NOCT: variants seen among roughly 807,000 people sequenced by gnomAD.
NOCT encodes nocturnin.
A neutral mutation model predicts 35.0 loss-of-function variants in NOCT; 18 were observed. That is an observed-to-expected ratio of 0.51 (90% confidence interval 0.36 to 0.76). NOCT has a LOEUF of 0.76. Ranked by LOEUF, NOCT falls within the 30% of genes least tolerant of loss-of-function variation. NOCT has a pLI of 0.01. For missense variants in NOCT, 479 were observed against 541.0 expected, an observed-to-expected ratio of 0.89 and a Z score of 1.14; for synonymous variants, 235 against 226.3, an observed-to-expected ratio of 1.04 and a Z score of -0.34.
chr4:139,022,006 G>A (rs11939594), intron 1 of NOCT, among the ~76,000 whole-genome samples: 2 of 152,206 alleles, frequency 1.3e-5, no homozygotes, highest in East Asian at 1.9e-4. Context: ...TGATACACCC[G>A]CCTTGGCCTC....
intron 1 of NOCT, chr4:139,028,142 T>C (rs1726558119): frequency 6.6e-6 from 1 of 152,252 alleles, no homozygotes; most frequent in African/African-American, 2.4e-5. Flanking sequence ...TTTCAGAGGA[T>C]TGTGCTAGAA....
Position 139,044,955 on chromosome 4 carries a change from A to G in NOCT, c.777A>G (p.Thr259=), listed in dbSNP as rs1162431218. ...CCAATATTAGGCTGACAGCCATGAC[A>G]TTGAAAACCAACCAGGTGGCCATTG... ...NSANIRLTAM[T]LKTNQVAIAQ... Residue 259 remains threonine (T), a synonymous_variant, in exon 3 of 3, where the codon ACA becomes ACG. Transcript: ENST00000280614. The G allele has an allele frequency of 6.2e-7, 1 of 1,614,216 alleles. No homozygotes were observed. Among genetic ancestry groups the G allele is most frequent in the Non-Finnish European group, 8.5e-7 (1 of 1,180,032 alleles).
At chr4:139,042,382 C>G (rs1169809993) in intron 1 of NOCT, among the ~76,000 whole-genome samples, 3 of 151,978 alleles carry the variant, frequency 2.0e-5, no homozygotes, top group East Asian at 1.9e-4. Flanking sequence ...TCTTGAGGTT[C>G]TTAAGATATA....
chr4:139,044,992 G>A lies in NOCT; in HGVS notation c.814G>A (p.Glu272Lys). ...CCAGGTGGCCATTGCACAGACCCTG[G>A]AGTGCAAGGAGTCAGGCCGACAGTT... ...TNQVAIAQTLECKESGRQFCI... is the reference protein window; with the variant it reads ...TNQVAIAQTLKCKESGRQFCI... The change falls in exon 3 of 3, where the codon GAG becomes AAG. Residue 272 changes from glutamate to lysine, a missense_variant. By Grantham distance (56) the Glu-to-Lys change is moderately conservative. Coordinates refer to ENST00000280614, the MANE Select transcript of NOCT (RefSeq NM_012118.4). 5 of 1,614,208 alleles carry A rather than the reference G, an allele frequency of 3.1e-6. No homozygotes were observed. Among genetic ancestry groups the A allele is most frequent in the Non-Finnish European group, 4.2e-6 (5 of 1,180,014 alleles).
chr4:139,022,614 T>A (rs951005517), intron 1 of NOCT, among the ~76,000 whole-genome samples: 1 of 152,200 alleles, frequency 6.6e-6, no homozygotes, highest in African/African-American at 2.4e-5. Flanking sequence ...TACTAAATGC[T>A]TAGAAGCCTA....
chr4:139,023,952 A>G (rs1193836047), intron 1 of NOCT, among the ~76,000 whole-genome samples: 2 of 150,790 alleles, frequency 1.3e-5, no homozygotes, highest in Non-Finnish European at 2.9e-5. Context: ...AAAAGTTTGT[A>G]TCGGTTGTCT....
Position 139,015,915 on chromosome 4 carries a change from G to C in NOCT, c.-67G>C. The C allele has an allele frequency of 8.2e-7, 1 of 1,221,100 alleles. No individual in the cohort carries two copies. Among genetic ancestry groups the C allele is most frequent in the Non-Finnish European group, 1.0e-6 (1 of 960,662 alleles). The allele number at this position is 1,221,100 out of a possible 1,614,324, so 75.6% of individuals were successfully genotyped here. A position where few individuals can be genotyped will look rare whatever the true frequency, so the allele number is the denominator to read the frequency against. ...GCCCGGACAGTCGGCTCGACTCGGT[G>C]CCCTCGGCCCCAGCCGGGCTCCGCT... is the stretch of plus-strand genomic sequence containing the variant. On this transcript the variant is annotated 5_prime_UTR_variant, in exon 1 of 3. Transcript: ENST00000280614.
intron 1 of NOCT, among the ~76,000 whole-genome samples, chr4:139,026,862 C>CTTTT (rs1165378672): frequency 8.3e-6 from 1 of 120,332 alleles, no homozygotes; most frequent in African/African-American, 3.5e-5. Flanking sequence ...TTTTTTTTTT[C>CTTTT]TTTTTTTTTT....
At chr4:139,037,120 A>T (rs548283988) in intron 1 of NOCT, among the ~76,000 whole-genome samples, 1 of 152,340 alleles carries the variant, frequency 6.6e-6, no homozygotes, top group African/African-American at 2.4e-5. Flanking sequence ...TCAGTGTTGC[A>T]CCAGTCCACC....
At chr4:139,039,779 G>C (rs1333329571) in intron 1 of NOCT, among the ~76,000 whole-genome samples, 3 of 152,166 alleles carry the variant, frequency 2.0e-5, no homozygotes, top group Non-Finnish European at 4.4e-5. Context: ...CCAGGCTGGA[G>C]TGGAATGGCG....
At chr4:139,029,609 ATTTTTATTTTT>A (rs1466658697) in intron 1 of NOCT, among the ~76,000 whole-genome samples, 2 of 152,144 alleles carry the variant, frequency 1.3e-5, no homozygotes, top group African/African-American at 2.4e-5. Flanking sequence ...CACTTAGTTT[ATTTTTATTTTT>A]ATTTTAAATT....
chr4:139,019,588 G>T (rs1334840353), intron 1 of NOCT, among the ~76,000 whole-genome samples: 1 of 152,228 alleles, frequency 6.6e-6, no homozygotes, highest in African/African-American at 2.4e-5. Context: ...GGAGTAGTGA[G>T]TCCCGACAGC....
At chr4:139,044,553 AG>A in intron 2 of NOCT, 85 bp from the exon 3 acceptor site, 1 of 765,654 alleles carries the variant, frequency 1.3e-6, no homozygotes, top group Non-Finnish European at 2.2e-6. Context: ...AAGCATTCTG[AG>A]GGTCTTGAGT....
chr4:139,024,165 A>G (rs1726473610), intron 1 of NOCT, among the ~76,000 whole-genome samples: 1 of 148,944 alleles, frequency 6.7e-6, no homozygotes, highest in Non-Finnish European at 1.5e-5. Context: ...GGCTGAAGTG[A>G]TCCTCCCACT....
chr4:139,023,004 G>C (rs989308349), intron 1 of NOCT, among the ~76,000 whole-genome samples: 4 of 152,040 alleles, frequency 2.6e-5, no homozygotes, highest in Admixed American at 6.6e-5. Flanking sequence ...GGGAGGCTGA[G>C]GCAGGAGAAT....
chr4:139,032,081 T>C (rs1177036869), intron 1 of NOCT, among the ~76,000 whole-genome samples: 3 of 152,222 alleles, frequency 2.0e-5, no homozygotes, highest in African/African-American at 7.2e-5. Context: ...CTACTGTGTT[T>C]CAGAAATCTA....
At chr4:139,026,402 A>G (rs1394950989) in intron 1 of NOCT, among the ~76,000 whole-genome samples, 1 of 151,356 alleles carries the variant, frequency 6.6e-6, no homozygotes, top group African/African-American at 2.4e-5. Flanking sequence ...CCCCTGGCCA[A>G]TTCTTTTAGG....
At chr4:139,017,550 G>T (rs893326036) in intron 1 of NOCT, among the ~76,000 whole-genome samples, 2 of 146,992 alleles carry the variant, frequency 1.4e-5, no homozygotes, top group Admixed American at 1.3e-4. Flanking sequence ...AAAAAAATAG[G>T]CCGGGCGCGG....
chr4:139,043,179 C>T lies in NOCT; in HGVS notation c.296C>T (p.Pro99Leu), dbSNP rs779424150. The T allele has an allele frequency of 1.2e-5, 19 of 1,614,138 alleles. No homozygotes were observed. The South Asian group carries it at 2.0e-4, about 17-fold the overall frequency. Residue 99 changes from proline to leucine, a missense_variant, in exon 2 of 3, where the codon CCA becomes CTA. This residue lies in a region of NOCT where 265 missense variants were observed against 257.0 expected (regional missense o/e 1.03). Transcript: ENST00000280614. ...CCAGAGTATTTGGTGTCACCTGACC[C>T]AGAGCATCTGGAGCCCATTGATCCT... ...QHPEYLVSPD[P>L]EHLEPIDPKE... is the part of the protein sequence containing the mutation.
Sources: allele counts gnomAD v4.1 joint callset (sites outside exome capture counted in the v4.1 genomes callset), GRCh38; gene constraint gnomAD v4.1.1; regional missense constraint gnomAD v4.1.1; transcripts MANE v1.5; gene names NCBI Gene and HGNC (gene_info 2026-07-23, HGNC 2026-07-21).